Variants in DLC1 observed in about 807,000 individuals in gnomAD.
DLC1 encodes rho GTPase-activating protein 7.
DLC1 carries 54 observed loss-of-function variants against 140.3 expected under a neutral mutation model. The observed-to-expected ratio is 0.38, with a 90% CI of 0.31 to 0.48. The LOEUF (loss-of-function observed/expected upper bound fraction) is 0.48, where lower values mean the gene tolerates loss of function less well. Among genes scored for constraint, DLC1 ranks in the 20% least tolerant of loss-of-function variants. The pLI is 0.96. For missense variants in DLC1, 2,536 were observed against 1,907.0 expected, an observed-to-expected ratio of 1.33 and a Z score of -6.14; for synonymous variants, 986 against 728.1, an observed-to-expected ratio of 1.35 and a Z score of -5.70.
intron 1 of DLC1, among the ~76,000 whole-genome samples, chr8:13,540,873 C>A (rs1803458744): frequency 6.6e-6 from 1 of 152,142 alleles, no homozygotes; most frequent in Admixed American, 6.5e-5. Flanking sequence ...AGATTGTCCT[C>A]TCAAGACTCT....
At chr8:13,341,652 C>G (rs953305474) in intron 4 of DLC1, 1 of 152,134 alleles carries the variant, frequency 6.6e-6, no homozygotes, top group Non-Finnish European at 1.5e-5. Context: ...CGCAGAAAGC[C>G]TTGAAAGCAA....
At chr8:13,311,108 G>A (rs578128132) in intron 4 of DLC1, among the ~76,000 whole-genome samples, 3 of 152,094 alleles carry the variant, frequency 2.0e-5, no homozygotes, top group African/African-American at 7.2e-5. Flanking sequence ...GTTTGCCCCA[G>A]TATCAGCTGA....
chr8:13,175,317 T>TA (rs1825699849), intron 5 of DLC1, among the ~76,000 whole-genome samples: 1 of 151,560 alleles, frequency 6.6e-6, no homozygotes, highest in Non-Finnish European at 1.5e-5. Flanking sequence ...TTTTTTTTTT[T>TA]TGCTTAGGAT....
Position 13,273,346 on chromosome 8 carries a change from A to C in DLC1, c.1348+31923T>G, listed in dbSNP as rs577891256. ...TCCTCAAAGTTCTAGTTCACTGAAA[A>C]CTCAATACCATCCTCTGCTTTTAGC... On this transcript the variant is annotated intron_variant, in intron 5 of 17. Transcript: ENST00000276297. 3.9e-5 allele frequency among the ~76,000 whole-genome samples: 6 copies of C among 152,252 alleles called. No homozygotes were observed. In the East Asian group the frequency reaches 1.2e-3, roughly 29 times the overall value.
At chr8:13,111,601 A>G (rs78215622) in intron 6 of DLC1, among the ~76,000 whole-genome samples, 1,921 of 152,314 alleles carry the variant, frequency 0.013, 25 homozygotes, top group South Asian at 0.041. Context: ...CTTGGTAAGT[A>G]AATATACCCA....
rs1169620786 is a variant in DLC1, at chr8:13,451,037, C to CAAAAAA, written c.1023+48006_1023+48011dup. ...CTGGTGATAGAGTGAGACTCCGTCT[C>CAAAAAA]AAAAAAAAAAAAAAAAAAAAAAAAA... On this transcript the variant is annotated intron_variant, in intron 2 of 17. Transcript: ENST00000276297. 5.2e-3 allele frequency among the ~76,000 whole-genome samples: 95 copies of CAAAAAA among 18,366 alleles called. 6 individuals are homozygous for CAAAAAA. The highest frequency in any genetic ancestry group is 6.8e-3 in the Non-Finnish European group (49 of 7,208). The allele number at this position is 18,366 out of a possible 152,430, so 12.0% of individuals were successfully genotyped here.
intron 4 of DLC1, among the ~76,000 whole-genome samples, chr8:13,366,655 T>C (rs1005956801): frequency 1.3e-5 from 2 of 152,176 alleles, no homozygotes; most frequent in African/African-American, 2.4e-5. Context: ...CAGATATAAA[T>C]TTTGGGCCAG....
chr8:13,477,360 A>C (rs752401923), intron 2 of DLC1, among the ~76,000 whole-genome samples: 1 of 152,230 alleles, frequency 6.6e-6, no homozygotes, highest in Admixed American at 6.5e-5. Context: ...TGAGGTAATC[A>C]GGTATGTACA....
chr8:13,142,156 T>C (rs1823048870), intron 5 of DLC1, among the ~76,000 whole-genome samples: 2 of 152,242 alleles, frequency 1.3e-5, no homozygotes, highest in African/African-American at 4.8e-5. Context: ...CCGCCATGAT[T>C]GTAAGTTTCC....
chr8:13,094,823 A>G lies in DLC1; in HGVS notation c.3462T>C (p.Phe1154=). 6.2e-7 allele frequency: 1 copy of G among 1,614,198 alleles called. No homozygotes were observed. The highest frequency in any genetic ancestry group is 1.1e-5 in the South Asian group (1 of 91,080). ...YDVADMLKQY[F]RDLPEPLMTN... ...TCATTAGTGGCTCAGGAAGATCTCG[A>G]AAATACTGCTTCAGCATGTCTGCCA... is the stretch of plus-strand genomic sequence containing the variant. Residue 1154 remains phenylalanine, a synonymous_variant, in exon 12 of 18, where the codon TTT becomes TTC. Coordinates refer to ENST00000276297, the MANE Select transcript of DLC1 (RefSeq NM_182643.3).
intron 4 of DLC1, among the ~76,000 whole-genome samples, chr8:13,350,001 G>A (rs976150144): frequency 4.6e-5 from 7 of 152,140 alleles, no homozygotes; most frequent in Non-Finnish European, 7.4e-5. Context: ...GACATATTGG[G>A]AATTAAGTCC....
intron 5 of DLC1, among the ~76,000 whole-genome samples, chr8:13,279,891 A>G (rs746335325): frequency 6.6e-6 from 1 of 152,158 alleles, no homozygotes; most frequent in African/African-American, 2.4e-5. Flanking sequence ...AGGTGAGAAT[A>G]GTTTGTGATA....
intron 5 of DLC1, among the ~76,000 whole-genome samples, chr8:13,200,411 T>C (rs1221274650): frequency 6.6e-6 from 1 of 152,096 alleles, no homozygotes; most frequent in Non-Finnish European, 1.5e-5. Flanking sequence ...AATTGAGGTG[T>C]CGAATGATTA....
intron 5 of DLC1, among the ~76,000 whole-genome samples, chr8:13,303,813 T>A (rs1832308596): frequency 6.6e-6 from 1 of 152,032 alleles, no homozygotes; most frequent in Non-Finnish European, 1.5e-5. Flanking sequence ...AAAAAAAATA[T>A]TAAAAATAAA....
chr8:13,421,257 T>C (rs1838310806), intron 2 of DLC1, among the ~76,000 whole-genome samples: 1 of 152,182 alleles, frequency 6.6e-6, no homozygotes. Flanking sequence ...CTTTTCTGCA[T>C]ATATTATCTC....
chr8:13,583,764 C>T lies in DLC1; in HGVS notation c.-126+20773G>A, dbSNP rs566002060. 5.9e-5 allele frequency: 9 copies of T among 152,436 alleles called. No homozygotes were observed. The East Asian group carries it at 1.2e-3, about 20-fold the overall frequency. 9.4% of individuals were successfully genotyped at this position (152,436 alleles called of 1,614,324 possible). On this transcript the variant is annotated intron_variant, in intron 1 of 1. Transcript: ENST00000631382. ...GAGTCGGTGTCTCTGAGTTCAATGTCTTTGGAGATGGAGACTGTGCTCAAT... is the reference window on the plus strand; with the variant it reads ...GAGTCGGTGTCTCTGAGTTCAATGTTTTTGGAGATGGAGACTGTGCTCAAT...
chr8:13,282,199 T>G (rs1831387347), intron 5 of DLC1, among the ~76,000 whole-genome samples: 1 of 152,218 alleles, frequency 6.6e-6, no homozygotes, highest in Non-Finnish European at 1.5e-5. Flanking sequence ...TTTAATGCTT[T>G]CGTCAAGCTA....
intron 4 of DLC1, among the ~76,000 whole-genome samples, chr8:13,345,393 G>C (rs985868974): frequency 6.6e-6 from 1 of 151,928 alleles, no homozygotes; most frequent in Non-Finnish European, 1.5e-5. Flanking sequence ...GATTCTCCTT[G>C]AATCAATAGA....
rs984670800 is a variant in DLC1, at chr8:13,497,091, C to T, written c.1023+1958G>A. On this transcript the variant is annotated intron_variant, in intron 2 of 17. Coordinates refer to ENST00000276297, the MANE Select transcript of DLC1 (RefSeq NM_182643.3). ...CTGGGATTACAGGCATGAGACACCG[C>T]GCCTGGCCTAAACAAATTCTTTATT... Among the ~76,000 whole-genome samples the T allele has an allele frequency of 7.9e-5, 12 of 152,182 alleles. 1 individual carries two copies. The highest frequency in any genetic ancestry group is 4.2e-4 in the South Asian group (2 of 4,818).
Sources: gnomAD v4.1 joint callset for allele counts (sites outside exome capture counted in the v4.1 genomes callset) on GRCh38, gnomAD v4.1.1 for gene constraint, MANE v1.5 for transcripts, NCBI Gene and HGNC (gene_info 2026-07-23, HGNC 2026-07-21) for gene names.